PLBD1: variants seen among roughly 807,000 people sequenced by gnomAD.
PLBD1 encodes the protein lysosomal leucine aminopeptidase.
Under a neutral mutation model 63.0 loss-of-function variants are expected in PLBD1, and 60 were observed. The ratio of observed to expected loss-of-function variants is 0.95; its 90% confidence interval spans 0.77 to 1.18. The LOEUF (loss-of-function observed/expected upper bound fraction) is 1.18, where lower values mean the gene tolerates loss of function less well. PLBD1 is among the 50% of genes most tolerant of loss of function. The pLI is 0.00. For synonymous variants in PLBD1, 262 were observed against 248.0 expected (o/e 1.06, Z -0.53); for missense variants, 598 against 677.9 (o/e 0.88, Z 1.31).
chr12:14,510,637 G>A (rs1213141486), intron 8 of PLBD1, among the ~76,000 whole-genome samples: 9 of 152,192 alleles, frequency 5.9e-5, no homozygotes, highest in Non-Finnish European at 1.2e-4. Context: ...ATGAGGCTTG[G>A]AGAGATTCAC....
At chr12:14,513,163 C>A (rs914983297) in intron 6 of PLBD1, among the ~76,000 whole-genome samples, 1 of 151,844 alleles carries the variant, frequency 6.6e-6, no homozygotes, top group Non-Finnish European at 1.5e-5. Flanking sequence ...TTATGTTATA[C>A]AAAAGAAAGG....
chr12:14,548,508 G>A (rs979513114), intron 2 of PLBD1, among the ~76,000 whole-genome samples: 1 of 149,978 alleles, frequency 6.7e-6, no homozygotes, highest in African/African-American at 2.5e-5. Context: ...ATTTTTGAGG[G>A]TGAGGCTGTG....
At chr12:14,554,372 T>A (rs570073027) in intron 1 of PLBD1, 2 of 152,306 alleles carry the variant, frequency 1.3e-5, no homozygotes, top group East Asian at 3.9e-4. Context: ...TTTGGCATAG[T>A]TAACATGCTC....
intron 4 of PLBD1, among the ~76,000 whole-genome samples, chr12:14,538,280 G>A (rs1306535193): frequency 2.0e-5 from 3 of 152,032 alleles, no homozygotes; most frequent in East Asian, 1.9e-4. Flanking sequence ...TGCAACCTCC[G>A]CATCCTGAGT....
Position 14,511,341 on chromosome 12 carries a change from G to A in PLBD1, c.1105C>T (p.Leu369Phe), listed in dbSNP as rs1442553024. 1 of 1,613,318 alleles carries A rather than the reference G, an allele frequency of 6.2e-7. No homozygotes were observed. Residue 369 changes from leucine (L) to phenylalanine (F), a missense_variant, in exon 8 of 11, where the codon CTT becomes TTT. Transcript: ENST00000240617. ...ACAATGTACAGAGTGCCTTTGTCAA[G>A]ACTGTGGTTCAGCTTTACTTTCTTC... ...DLKKVKLNHS[L>F]DKGTLYIVEQ...
At chr12:14,552,250 C>G (rs377656963) in intron 2 of PLBD1, among the ~76,000 whole-genome samples, 1 of 152,102 alleles carries the variant, frequency 6.6e-6, no homozygotes, top group Non-Finnish European at 1.5e-5. Flanking sequence ...GGATGAGAGT[C>G]GATTAAATAA....
chr12:14,553,152 G>T, intron 2 of PLBD1, 41 bp downstream of exon 2: 1 of 1,521,510 alleles, frequency 6.6e-7, no homozygotes, highest in East Asian at 2.4e-5. Context: ...GGAAGGACAG[G>T]GGTTGCCTGG....
chr12:14,510,019 G>GGATT (rs1343967793), intron 8 of PLBD1, among the ~76,000 whole-genome samples: 1 of 152,070 alleles, frequency 6.6e-6, no homozygotes, highest in Non-Finnish European at 1.5e-5. Context: ...TGGAGTGCAT[G>GGATT]GATTATATGA....
At position 14,506,807 on chromosome 12, in the gene PLBD1, A is replaced by G. The variant is rs1029240173; in HGVS notation, c.1372+126T>C. 2.4e-5 allele frequency: 18 copies of G among 757,344 alleles called. No homozygotes were observed. The African/African-American group carries it at 3.2e-4, about 13-fold the overall frequency. The allele number at this position is 757,344 out of a possible 1,614,324, so 46.9% of individuals were successfully genotyped here. A position where few individuals can be genotyped will look rare whatever the true frequency, so the allele number is the denominator to read the frequency against. On this transcript the variant is annotated intron_variant, in intron 9 of 10. Coordinates refer to ENST00000240617, the MANE Select transcript of PLBD1 (RefSeq NM_024829.6). The stretch of plus-strand genomic sequence containing the variant: ...TATTGAGTATAAAATGTACAATATT[A>G]GTTAAATACTTAAATAACTTCTTAT...
At chr12:14,535,532 C>G in intron 6 of PLBD1, 127 bp downstream of exon 6, 5 of 1,020,790 alleles carry the variant, frequency 4.9e-6, no homozygotes, top group Non-Finnish European at 7.1e-6. Flanking sequence ...CTCTGAAAAT[C>G]AGATTGTTTG....
At position 14,511,387 on chromosome 12, in the gene PLBD1, A is replaced by G. The variant is rs1202305911; in HGVS notation, c.1059T>C (p.Asn353=). ...TCTTCAGGTCCAGAACCATGTATTGATTGTTATAGGTGCCTGAAATATCAG... is the reference window on the plus strand; with the variant it reads ...TCTTCAGGTCCAGAACCATGTATTGGTTGTTATAGGTGCCTGAAATATCAG... The part of the protein sequence containing the change: ...FSKYNSGTYN[N]QYMVLDLKKV... The change falls in exon 8 of 11, where the codon AAT becomes AAC. Residue 353 remains asparagine (N), a synonymous_variant. Coordinates refer to ENST00000240617, the MANE Select transcript of PLBD1 (RefSeq NM_024829.6). The G allele has an allele frequency of 6.2e-7, 1 of 1,613,590 alleles. No homozygotes were observed. Among genetic ancestry groups the G allele is most frequent in the Non-Finnish European group, 8.5e-7 (1 of 1,179,792 alleles).
chr12:14,523,278 C>G (rs910236371), intron 6 of PLBD1, among the ~76,000 whole-genome samples: 1 of 151,936 alleles, frequency 6.6e-6, no homozygotes, highest in African/African-American at 2.4e-5. Flanking sequence ...AAACACTTAA[C>G]TAAGCGGGTG....
Position 14,506,282 on chromosome 12 carries a change from A to G in PLBD1, c.1373-14T>C. ...CCTTCTTATAATCTAGGAAACAGAA[A>G]TGGGGAAGAGAGTGATTATTGGCTA... On this transcript the variant is annotated splice_polypyrimidine_tract_variant and intron_variant, in intron 9 of 10. Transcript: ENST00000240617. The G allele has an allele frequency of 6.4e-7, 1 of 1,552,596 alleles. No individual in the cohort carries two copies. The highest frequency in any genetic ancestry group is 8.9e-7 in the Non-Finnish European group (1 of 1,126,110).
intron 1 of PLBD1, among the ~76,000 whole-genome samples, chr12:14,562,549 T>C (rs957701901): frequency 6.6e-6 from 1 of 151,022 alleles, no homozygotes; most frequent in African/African-American, 2.4e-5. Context: ...AATTTCCCCA[T>C]AATTTCACTA....
intron 8 of PLBD1, among the ~76,000 whole-genome samples, chr12:14,507,863 TA>T (rs2136903568): frequency 6.6e-6 from 1 of 152,314 alleles, no homozygotes; most frequent in East Asian, 1.9e-4. Flanking sequence ...CTCTCTCTTG[TA>T]AAAGCAGAAT....
At chr12:14,504,106 G>C in intron 10 of PLBD1, 152 bp from the exon 11 acceptor site, 1 of 701,196 alleles carries the variant, frequency 1.4e-6, no homozygotes, top group Non-Finnish European at 2.3e-6. Context: ...CTGGAGTACA[G>C]TGGCACAATC....
chr12:14,522,621 TA>T (rs1341119479), intron 6 of PLBD1, among the ~76,000 whole-genome samples: 1 of 151,906 alleles, frequency 6.6e-6, no homozygotes, highest in Non-Finnish European at 1.5e-5. Context: ...AAAAAATATT[TA>T]AAAACTGAAT....
At chr12:14,535,962 T>G in intron 5 of PLBD1, 159 bp from the exon 6 acceptor site, 1 of 664,162 alleles carries the variant, frequency 1.5e-6, no homozygotes, top group East Asian at 3.0e-5. Context: ...GATTAACCTT[T>G]AATGTGGCCC....
chr12:14,540,383 A>C (rs1184019461), intron 4 of PLBD1, among the ~76,000 whole-genome samples: 2 of 151,980 alleles, frequency 1.3e-5, no homozygotes, highest in East Asian at 3.9e-4. Context: ...ATATGTGTTT[A>C]TGTGAATGTT....
Sources: allele counts gnomAD v4.1 joint callset (sites outside exome capture counted in the v4.1 genomes callset), GRCh38; gene constraint gnomAD v4.1.1; transcripts MANE v1.5; gene names NCBI Gene and HGNC (gene_info 2026-07-23, HGNC 2026-07-21).